Variants in SV2C observed in about 807,000 individuals in gnomAD.
SV2C encodes solute carrier family 22 member B3.
A neutral mutation model predicts 79.7 loss-of-function variants in SV2C; 49 were observed. The observed-to-expected ratio is 0.61, with a 90% CI of 0.49 to 0.78. The LOEUF is 0.78. SV2C is among the 30% of genes least tolerant of loss of function. The pLI, the probability that SV2C is intolerant of heterozygous loss-of-function variation, is 0.00. For missense variants in SV2C, 833 were observed against 912.9 expected (o/e 0.91, Z 1.13); for synonymous variants, 334 against 333.2 (o/e 1.00, Z -0.03).
upstream of SV2C, among the ~76,000 whole-genome samples, chr5:76,082,607 CCT>C (rs529102891): frequency 1.7e-4 from 24 of 144,964 alleles, no homozygotes; most frequent in African/African-American, 3.9e-4. Context: ...TCCTCCTCCT[CCT>C]CTCTCTCTCT....
chr5:75,847,709 G>C, the SV2C span, among the ~76,000 whole-genome samples: 1 of 152,300 alleles, frequency 6.6e-6, no homozygotes, highest in South Asian at 2.1e-4. Context: ...ACCAGAAATA[G>C]ATTTGAGGAA....
At chr5:76,257,278 TG>T (rs1204332623) in intron 4 of SV2C, among the ~76,000 whole-genome samples, 11 of 127,578 alleles carry the variant, frequency 8.6e-5, no homozygotes, top group Admixed American at 6.9e-4. Flanking sequence ...TGTGTGTGTG[TG>T]TGTGTGTGTG....
chr5:75,987,822 C>T, the SV2C span, among the ~76,000 whole-genome samples: 3 of 151,984 alleles, frequency 2.0e-5, no homozygotes, highest in Non-Finnish European at 4.4e-5. Context: ...CACTAATTGT[C>T]TTAGTTAATG....
intron 4 of SV2C, among the ~76,000 whole-genome samples, chr5:76,223,906 C>T (rs1029766316): frequency 2.6e-5 from 4 of 151,978 alleles, no homozygotes; most frequent in African/African-American, 9.7e-5. Context: ...TGTGTCTGTA[C>T]GTGGTGGGGA....
the SV2C span, among the ~76,000 whole-genome samples, chr5:76,047,716 T>C: frequency 1.3e-5 from 2 of 152,062 alleles, no homozygotes; most frequent in Non-Finnish European, 2.9e-5. Flanking sequence ...AGATCTATTG[T>C]ATAACATAGG....
chr5:76,227,391 G>T (rs1745284628), intron 4 of SV2C, among the ~76,000 whole-genome samples: 1 of 152,154 alleles, frequency 6.6e-6, no homozygotes, highest in Non-Finnish European at 1.5e-5. Flanking sequence ...AGCTGTAGAA[G>T]GGGCATTTCC....
At chr5:76,001,319 C>T in the SV2C span, among the ~76,000 whole-genome samples, 5 of 151,978 alleles carry the variant, frequency 3.3e-5, no homozygotes, top group Non-Finnish European at 5.9e-5. Flanking sequence ...ATCTCTTTTC[C>T]GCCAGGCGCG....
At chr5:76,180,076 A>G (rs1179424932) in intron 2 of SV2C, among the ~76,000 whole-genome samples, 1 of 152,202 alleles carries the variant, frequency 6.6e-6, no homozygotes, top group Non-Finnish European at 1.5e-5. Context: ...CCTGCCATAC[A>G]CAATCATGTT....
chr5:75,984,444 C>T, the SV2C span, among the ~76,000 whole-genome samples: 4 of 151,888 alleles, frequency 2.6e-5, no homozygotes, highest in South Asian at 2.1e-4. Flanking sequence ...ATTACTATGC[C>T]CATTTTATAG....
intron 2 of SV2C, among the ~76,000 whole-genome samples, chr5:76,181,861 AT>A (rs1561252916): frequency 2.0e-5 from 3 of 152,190 alleles, no homozygotes; most frequent in Non-Finnish European, 4.4e-5. Flanking sequence ...CATTGTCTGT[AT>A]AAGTAATTTA....
chr5:76,298,652 C>A, intron 9 of SV2C, 142 bp from the exon 10 acceptor site: 2 of 914,256 alleles, frequency 2.2e-6, no homozygotes, highest in South Asian at 2.5e-5. Context: ...AAGCAGAGAG[C>A]TAAGAAAATC....
At chr5:76,147,207 A>AT (rs1329770595) in intron 2 of SV2C, among the ~76,000 whole-genome samples, 1 of 152,106 alleles carries the variant, frequency 6.6e-6, no homozygotes, top group Non-Finnish European at 1.5e-5. Context: ...AAAATGGAAA[A>AT]TTTTCTGCTA....
intron 1 of SV2C, among the ~76,000 whole-genome samples, chr5:76,119,664 C>T (rs1580280494): frequency 6.6e-6 from 1 of 151,536 alleles, no homozygotes; most frequent in African/African-American, 2.4e-5. Flanking sequence ...AGTTTGTGAC[C>T]CCATGGGGCT....
At chr5:76,301,908 CAAAAAA>C (rs11436839) in intron 12 of SV2C, among the ~76,000 whole-genome samples, 1 of 41,410 alleles carries the variant, frequency 2.4e-5, no homozygotes, top group Non-Finnish European at 4.5e-5. Context: ...GACACCATCT[CAAAAAA>C]AAAAAAAAAA....
the SV2C span, among the ~76,000 whole-genome samples, chr5:75,993,073 C>G: frequency 6.6e-6 from 1 of 151,958 alleles, no homozygotes; most frequent in Non-Finnish European, 1.5e-5. Flanking sequence ...AACTATACAA[C>G]AAGAAGAAGG....
At chr5:76,223,101 C>T (rs984146115) in intron 4 of SV2C, among the ~76,000 whole-genome samples, 4 of 152,112 alleles carry the variant, frequency 2.6e-5, no homozygotes, top group African/African-American at 9.7e-5. Flanking sequence ...GATGCTCTCA[C>T]AGCCCCTTGC....
chr5:75,941,394 A>G, the SV2C span, among the ~76,000 whole-genome samples: 3 of 152,222 alleles, frequency 2.0e-5, no homozygotes, highest in Non-Finnish European at 4.4e-5. Flanking sequence ...GCCAATATCT[A>G]CATTATAATA....
intron 1 of SV2C, among the ~76,000 whole-genome samples, chr5:76,084,722 G>A (rs1307751765): frequency 6.6e-6 from 1 of 151,960 alleles, no homozygotes; most frequent in Non-Finnish European, 1.5e-5. Flanking sequence ...GGCAGGCGAC[G>A]GAGTCTCCGT....
intron 4 of SV2C, among the ~76,000 whole-genome samples, chr5:76,223,786 A>G (rs1459841631): frequency 6.6e-6 from 1 of 152,026 alleles, no homozygotes. Flanking sequence ...CCATAACAAG[A>G]TACCACAGAC....
Sources: gnomAD v4.1 joint callset for allele counts (sites outside exome capture counted in the v4.1 genomes callset) on GRCh38, gnomAD v4.1.1 for gene constraint, MANE v1.5 for transcripts, NCBI Gene and HGNC (gene_info 2026-07-23, HGNC 2026-07-21) for gene names.